KIF17: variants seen among roughly 807,000 people sequenced by gnomAD.
KIF17 encodes the protein kinesin family member 17, also known as kinesin-like protein KIF17.
A neutral mutation model predicts 96.8 loss-of-function variants in KIF17; 80 were observed. The ratio of observed to expected loss-of-function variants is 0.83; its 90% CI spans 0.69 to 1.00. KIF17 has a LOEUF of 1.00. Ranked by LOEUF, KIF17 falls within the 50% of genes least tolerant of loss-of-function variation. The pLI, the probability that KIF17 is intolerant of heterozygous loss-of-function variation, is 0.00. For synonymous variants in KIF17, 567 were observed against 587.5 expected, an observed-to-expected ratio of 0.97 and a Z score of 0.51; for missense variants, 1,280 against 1,372.9, an observed-to-expected ratio of 0.93 and a Z score of 1.07.
intron 1 of KIF17, among the ~76,000 whole-genome samples, chr1:20,717,127 G>A (rs1015448524): frequency 6.6e-6 from 1 of 152,134 alleles, no homozygotes; most frequent in Non-Finnish European, 1.5e-5. Context: ...TCAGGAGTTC[G>A]AGACCAGCCT....
rs959712235 is a variant in KIF17 at position 20,704,204 on chromosome 1, G to C, written c.1123+243C>G. ...AATGGATGAGCAGATGAGAGGCGGG[G>C]AGTGGGCAACAGCCTGCGTCAGATG... On this transcript the variant is annotated intron_variant, in intron 5 of 14. Coordinates refer to ENST00000400463, the MANE Select transcript of KIF17 (RefSeq NM_001122819.3). This position sits in a 1 kb window ranked among gnomAD's most constrained non-coding sequence, Gnocchi z 6.8. 1.3e-5 allele frequency among the ~76,000 whole-genome samples: 2 copies of C among 152,166 alleles called. No homozygotes were observed. The highest frequency in any genetic ancestry group is 1.9e-4 in the East Asian group (1 of 5,172).
chr1:20,676,591 G>A (rs1417666312), intron 11 of KIF17, among the ~76,000 whole-genome samples: 1 of 152,194 alleles, frequency 6.6e-6, no homozygotes, highest in African/African-American at 2.4e-5. Flanking sequence ...AGCACTTTGG[G>A]AGGCCAAGGT....
intron 11 of KIF17, among the ~76,000 whole-genome samples, chr1:20,679,297 C>A (rs890798052): frequency 6.6e-6 from 1 of 151,948 alleles, no homozygotes; most frequent in African/African-American, 2.4e-5. Flanking sequence ...ATAGCAAGAC[C>A]CCTCCGCTAC....
chr1:20,690,642 C>A (rs2054022408), intron 6 of KIF17, among the ~76,000 whole-genome samples: 3 of 151,718 alleles, frequency 2.0e-5, no homozygotes, highest in Non-Finnish European at 4.4e-5. Flanking sequence ...CCTGCCTCAG[C>A]CTCCCAAATA....
chr1:20,663,787 CACA>C (rs543627123), downstream of KIF17, among the ~76,000 whole-genome samples: 230 of 152,182 alleles, frequency 1.5e-3, no homozygotes, highest in African/African-American at 5.2e-3. Context: ...CCCTATTTTC[CACA>C]ACAAGGGGTC....
chr1:20,672,845 G>T lies in KIF17; in HGVS notation c.2464-649C>A. The stretch of plus-strand genomic sequence containing the variant: ...TGAGCACAGGTGACTGCCAGCCCCA[G>T]CCATAACCACCCTCTCCCTGAGCCC... On this transcript the variant is annotated intron_variant, in intron 11 of 14. Transcript: ENST00000400463. The surrounding 1 kb of genome is among the most constrained non-coding windows in gnomAD (Gnocchi z 4.3). The T allele has an allele frequency of 6.2e-6, 1 of 161,870 alleles. No homozygotes were observed. The highest frequency in any genetic ancestry group is 5.6e-5 in the Admixed American group (1 of 17,754). 10.0% of individuals were successfully genotyped at this position (161,870 alleles called of 1,614,324 possible). A position where few individuals can be genotyped will look rare whatever the true frequency, so the allele number is the denominator to read the frequency against.
chr1:20,670,483 T>C lies in KIF17; in HGVS notation c.2728A>G (p.Thr910Ala), dbSNP rs2053629173. Residue 910 changes from threonine (T) to alanine (A), a missense_variant, in exon 13 of 15, where the codon ACT becomes GCT. Transcript: ENST00000400463. ...ITKTSLPVVS[T>A]GPQNKPARKT... ...CGGGCTGGTTTGTTCTGTGGCCCAG[T>C]TGAAACTGCTATGAGAAAACAAAAG... 6.2e-7 allele frequency: 1 copy of C among 1,614,060 alleles called. No homozygotes were observed. Among genetic ancestry groups the C allele is most frequent in the Non-Finnish European group, 8.5e-7 (1 of 1,180,022 alleles).
intron 11 of KIF17, among the ~76,000 whole-genome samples, chr1:20,678,677 T>C (rs2053778698): frequency 6.6e-6 from 1 of 151,936 alleles, no homozygotes; most frequent in South Asian, 2.1e-4. Context: ...GCAGAGAGCA[T>C]CCAGGACAGC....
At chr1:20,666,422 G>T in intron 13 of KIF17, 91 bp from the exon 14 acceptor site, 1 of 1,044,352 alleles carries the variant, frequency 9.6e-7, no homozygotes, top group South Asian at 1.3e-5. Flanking sequence ...GGCAGTGGGG[G>T]CCGCCCCGAG....
Position 20,664,462 on chromosome 1 carries a change from G to A in KIF17, c.*122C>T. On this transcript the variant is annotated 3_prime_UTR_variant, in exon 15 of 15. Transcript: ENST00000400463. ...GAAGGGAATGTGTCTTCCCAGGGCTGAGGGAGCCCTCAGGCCCCGGAGCGC... is the reference window on the plus strand; with the variant it reads ...GAAGGGAATGTGTCTTCCCAGGGCTAAGGGAGCCCTCAGGCCCCGGAGCGC... 1 of 1,593,522 alleles carries A rather than the reference G, an allele frequency of 6.3e-7. No homozygotes were observed. The highest frequency in any genetic ancestry group is 8.5e-7 in the Non-Finnish European group (1 of 1,172,658).
chr1:20,714,132 C>T (rs1186196661), intron 2 of KIF17, among the ~76,000 whole-genome samples: 1 of 152,102 alleles, frequency 6.6e-6, no homozygotes, highest in Admixed American at 6.5e-5. Context: ...TCGAGATCAT[C>T]CTGGCTAACA....
At position 20,664,724 on chromosome 1, in the gene KIF17, T is replaced by A; in HGVS notation, c.2947A>T (p.Ser983Cys). The change falls in exon 15 of 15, where the codon AGC (serine) becomes TGC (cysteine). Residue 983 changes from serine to cysteine, a missense_variant. Ser to Cys is a moderately radical substitution (Grantham distance 112). Transcript: ENST00000400463. Reference sequence around the variant, plus strand: ...GTGGGTGGGATGGCAGAGTTGTTGCTGAGTGGGCAGCTGAGGCCTGGTGGC... The same window carrying A: ...GTGGGTGGGATGGCAGAGTTGTTGCAGAGTGGGCAGCTGAGGCCTGGTGGC... ...NSPPGLSCPL[S>C]NNSAIPPTQA... The A allele has an allele frequency of 5.0e-6, 8 of 1,612,324 alleles. No homozygotes were observed. Among genetic ancestry groups the A allele is most frequent in the Non-Finnish European group, 6.8e-6 (8 of 1,179,822 alleles).
intron 7 of KIF17, among the ~76,000 whole-genome samples, chr1:20,689,879 A>G (rs1046140975): frequency 6.6e-6 from 1 of 152,192 alleles, no homozygotes; most frequent in Non-Finnish European, 1.5e-5. Flanking sequence ...GGCCCAGTCC[A>G]TGGCTAAGCC....
At chr1:20,715,972 C>A (rs184874422) in intron 1 of KIF17, among the ~76,000 whole-genome samples, 2 of 152,268 alleles carry the variant, frequency 1.3e-5, no homozygotes, top group Admixed American at 6.5e-5. Context: ...TTGGGCCAGG[C>A]GGGGTGGCTC....
intron 4 of KIF17, among the ~76,000 whole-genome samples, chr1:20,706,529 T>C (rs1213086227): frequency 6.6e-6 from 1 of 151,838 alleles, no homozygotes; most frequent in Non-Finnish European, 1.5e-5. Context: ...AGACAAAGGT[T>C]GCAGTGAGCC....
chr1:20,708,911 G>C (rs2054389155), intron 4 of KIF17, among the ~76,000 whole-genome samples: 1 of 152,196 alleles, frequency 6.6e-6, no homozygotes, highest in Admixed American at 6.5e-5. Context: ...GAACGTTACA[G>C]AGGGAGAGGA....
At chr1:20,712,555 CTATATTATATATATAGATAATATTATCTA>C (rs1321602385) in intron 3 of KIF17, among the ~76,000 whole-genome samples, 2,068 of 112,808 alleles carry the variant, frequency 0.018, 93 homozygotes, top group South Asian at 0.033. Context: ...TAGATATTAT[CTATATTATATATATAGATAATATTATCTA>C]TATATATATC....
chr1:20,669,864 C>CAAAAAAAAAAAAAAAAAA lies in KIF17; in HGVS notation c.2790+539_2790+556dup, dbSNP rs61673996. Among the ~76,000 whole-genome samples, 2 of 18,438 alleles carry CAAAAAAAAAAAAAAAAAA rather than the reference C, an allele frequency of 1.1e-4. 1 individual carries two copies. Among genetic ancestry groups the CAAAAAAAAAAAAAAAAAA allele is most frequent in the African/African-American group, 3.9e-4 (2 of 5,152 alleles). The allele number at this position is 18,438 out of a possible 152,430, so 12.1% of individuals were successfully genotyped here. A position where few individuals can be genotyped will look rare whatever the true frequency, so the allele number is the denominator to read the frequency against. ...CTGGTGACAGAGCGAGACTCCATCTCAAAAAAAAAAAAAAAAAAAAAAAAA... is the reference window on the plus strand; with the variant it reads ...CTGGTGACAGAGCGAGACTCCATCTCAAAAAAAAAAAAAAAAAAAAAAAAAAAAAAAAAAAAAAAAAAA... On this transcript the variant is annotated intron_variant, in intron 13 of 14. Transcript: ENST00000400463.
intron 4 of KIF17, among the ~76,000 whole-genome samples, chr1:20,706,337 T>C (rs2054340357): frequency 6.7e-6 from 1 of 149,242 alleles, no homozygotes; most frequent in Admixed American, 6.7e-5. Context: ...ATGCCTGTAA[T>C]CCCAGCACTT....
Sources: gnomAD v4.1 joint callset for allele counts (sites outside exome capture counted in the v4.1 genomes callset) on GRCh38, gnomAD v4.1.1 for gene constraint, Gnocchi (gnomAD v3.1) non-coding constraint, MANE v1.5 for transcripts, NCBI Gene and HGNC (gene_info 2026-07-23, HGNC 2026-07-21) for gene names.